Variants in COG5 observed in about 807,000 individuals in gnomAD.
COG5 encodes the protein conserved oligomeric Golgi complex subunit 5.
COG5 carries 86 observed loss-of-function variants against 110.4 expected under a neutral mutation model. The observed-to-expected ratio is 0.78, with a 90% CI of 0.65 to 0.93. The LOEUF is 0.93. Among genes scored for constraint, COG5 ranks in the 40% least tolerant of loss-of-function variants. The pLI, the probability that COG5 is intolerant of heterozygous loss-of-function variation, is 0.00. For missense variants in COG5, 1,077 were observed against 987.0 expected (o/e 1.09, Z -1.22); for synonymous variants, 360 against 334.6 (o/e 1.08, Z -0.83).
intron 6 of COG5, among the ~76,000 whole-genome samples, chr7:107,428,346 C>G (rs1343486518): frequency 6.6e-6 from 1 of 151,990 alleles, no homozygotes. Context: ...ACTGGTGCCC[C>G]TAAAAGACAC....
At chr7:107,404,457 T>C (rs928197517) in intron 7 of COG5, among the ~76,000 whole-genome samples, 1 of 152,200 alleles carries the variant, frequency 6.6e-6, no homozygotes, top group African/African-American at 2.4e-5. Flanking sequence ...TAATCTCTGA[T>C]ACATGCGAGA....
intron 7 of COG5, among the ~76,000 whole-genome samples, chr7:107,394,948 AG>A (rs1231936900): frequency 6.6e-6 from 1 of 152,180 alleles, no homozygotes; most frequent in Non-Finnish European, 1.5e-5. Flanking sequence ...CAACAAATTG[AG>A]GGAAGGAAAA....
chr7:107,361,604 G>A (rs974362922), intron 10 of COG5, among the ~76,000 whole-genome samples: 14 of 152,084 alleles, frequency 9.2e-5, no homozygotes, highest in African/African-American at 2.4e-4. Flanking sequence ...CTCTGTCGCC[G>A]AGGCTGGAGT....
At chr7:107,487,676 G>A (rs1797728590) in intron 6 of COG5, among the ~76,000 whole-genome samples, 1 of 151,362 alleles carries the variant, frequency 6.6e-6, no homozygotes, top group East Asian at 1.9e-4. Flanking sequence ...TTGAACAACT[G>A]TGCAAAGATG....
At chr7:107,398,163 A>G (rs1040918786) in intron 7 of COG5, among the ~76,000 whole-genome samples, 5 of 152,270 alleles carry the variant, frequency 3.3e-5, no homozygotes, top group African/African-American at 7.2e-5. Flanking sequence ...CAAAAAGACA[A>G]TATCAAGGGA....
chr7:107,294,889 G>A (rs1584634582), intron 12 of COG5, among the ~76,000 whole-genome samples: 2 of 34,482 alleles, frequency 5.8e-5, no homozygotes, highest in Admixed American at 6.0e-4. Context: ...ATTTGTGTGT[G>A]TGTGTGTGTG....
intron 6 of COG5, chr7:107,450,017 G>A (rs1198460941): frequency 6.6e-6 from 1 of 152,230 alleles, no homozygotes; most frequent in East Asian, 1.9e-4. Flanking sequence ...AATAAGTTTA[G>A]AAAGGGGTGT....
At chr7:107,442,603 T>C (rs1794781085) in intron 6 of COG5, among the ~76,000 whole-genome samples, 1 of 148,324 alleles carries the variant, frequency 6.7e-6, no homozygotes, top group Non-Finnish European at 1.5e-5. Context: ...TGTTACCTTC[T>C]GGAAATACAG....
At position 107,201,850 on chromosome 7, in the gene COG5, CATG is replaced by C; in HGVS notation, c.*1663_*1665del. ...ACTGCTTATTAATCTGTATTGTACA[CATG>C]ATGAAATGAAGCAGAAGCTGGGAGT... On this transcript the variant is annotated 3_prime_UTR_variant, in exon 22 of 22. Coordinates refer to ENST00000297135, the MANE Select transcript of COG5 (RefSeq NM_006348.5). The C allele has an allele frequency of 6.4e-6, 1 of 155,074 alleles. No individual in the cohort carries two copies. Among genetic ancestry groups the C allele is most frequent in the Non-Finnish European group, 1.4e-5 (1 of 69,730 alleles). The allele number at this position is 155,074 out of a possible 1,614,324, so 9.6% of individuals were successfully genotyped here.
chr7:107,368,714 G>C (rs1813851602), intron 8 of COG5, among the ~76,000 whole-genome samples: 1 of 151,930 alleles, frequency 6.6e-6, no homozygotes, highest in Non-Finnish European at 1.5e-5. Context: ...TATCTATCTG[G>C]GTGATGAAAT....
chr7:107,523,581 G>A (rs548240571), intron 6 of COG5, among the ~76,000 whole-genome samples: 9 of 152,148 alleles, frequency 5.9e-5, no homozygotes, highest in South Asian at 2.1e-4. Flanking sequence ...TTGGGAGGCC[G>A]AGAAGGGTGG....
chr7:107,487,754 C>T (rs1389427793), intron 6 of COG5, among the ~76,000 whole-genome samples: 1 of 151,296 alleles, frequency 6.6e-6, no homozygotes. Flanking sequence ...AAATAATTAA[C>T]AATAGATTAT....
At chr7:107,524,802 T>C (rs1563082231) in intron 6 of COG5, among the ~76,000 whole-genome samples, 1 of 152,188 alleles carries the variant, frequency 6.6e-6, no homozygotes, top group Non-Finnish European at 1.5e-5. Context: ...TCTCAAAAAC[T>C]TTTTAACAAT....
intron 12 of COG5, among the ~76,000 whole-genome samples, chr7:107,293,587 A>C (rs1434491821): frequency 6.6e-6 from 1 of 152,082 alleles, no homozygotes; most frequent in East Asian, 1.9e-4. Context: ...AAATGAACTC[A>C]TTCTTTGGGG....
At chr7:107,239,418 T>A (rs1342610650) in intron 17 of COG5, among the ~76,000 whole-genome samples, 2 of 152,232 alleles carry the variant, frequency 1.3e-5, no homozygotes, top group Non-Finnish European at 2.9e-5. Flanking sequence ...TTGCTCAAGA[T>A]TGCCTTGGCT....
intron 2 of COG5, among the ~76,000 whole-genome samples, chr7:107,557,696 C>A (rs1251713569): frequency 6.6e-6 from 1 of 152,114 alleles, no homozygotes; most frequent in African/African-American, 2.4e-5. Flanking sequence ...TTATCTTTAT[C>A]GAACACATCC....
intron 6 of COG5, among the ~76,000 whole-genome samples, chr7:107,483,543 A>G (rs1162824366): frequency 6.6e-6 from 1 of 151,984 alleles, no homozygotes; most frequent in Admixed American, 6.6e-5. Flanking sequence ...TGTCTCTACT[A>G]AAAATACAAA....
chr7:107,551,893 G>C (rs1376916015), intron 3 of COG5, among the ~76,000 whole-genome samples: 2 of 152,202 alleles, frequency 1.3e-5, no homozygotes, highest in Admixed American at 6.5e-5. Context: ...TGGGATTATA[G>C]GCGTGAGCCA....
intron 17 of COG5, among the ~76,000 whole-genome samples, chr7:107,241,735 A>G (rs1801651996): frequency 6.6e-6 from 1 of 152,062 alleles, no homozygotes; most frequent in South Asian, 2.1e-4. Flanking sequence ...TACAGGCGTG[A>G]GCCACCGCGC....
Sources: gnomAD v4.1 joint callset for allele counts (sites outside exome capture counted in the v4.1 genomes callset) on GRCh38, gnomAD v4.1.1 for gene constraint, MANE v1.5 for transcripts, NCBI Gene and HGNC (gene_info 2026-07-23, HGNC 2026-07-21) for gene names.